The following PLEKHM2 variants were observed in gnomAD, a reference collection of about 807,000 sequenced individuals.
The protein encoded by PLEKHM2 is pleckstrin homology and RUN domain containing M2, also known as pleckstrin homology domain-containing family M member 2.
PLEKHM2 carries 77 observed loss-of-function variants against 116.3 expected under a neutral mutation model. The ratio of observed to expected loss-of-function variants is 0.66; its 90% confidence interval spans 0.55 to 0.80. The LOEUF (loss-of-function observed/expected upper bound fraction) is 0.80. Ranked by LOEUF, PLEKHM2 falls within the 30% of genes least tolerant of loss-of-function variation. PLEKHM2 has a pLI of 0.00. For synonymous variants in PLEKHM2, 562 were observed against 571.0 expected (o/e 0.98, Z 0.22); for missense variants, 1,183 against 1,354.9 (o/e 0.87, Z 1.99).
chr1:15,688,975 G>A (rs760187717), intron 1 of PLEKHM2, among the ~76,000 whole-genome samples: 9 of 151,974 alleles, frequency 5.9e-5, no homozygotes, highest in African/African-American at 1.9e-4. Context: ...CTGGCCAGGC[G>A]CGGTGGCTCA....
chr1:15,728,935 G>A lies in PLEKHM2; in HGVS notation c.1987-167G>A, dbSNP rs895566292. On this transcript the variant is annotated intron_variant, in intron 12 of 19. Transcript: ENST00000375799. The surrounding 1 kb of genome is among the most constrained non-coding windows in gnomAD (Gnocchi z 5.9). The stretch of plus-strand genomic sequence containing the variant: ...TTGCCTCTTCCCGTGCTAGACTTCT[G>A]ACCGTCCCTCCCTCACTCATGCCAG... 9.2e-5 allele frequency among the ~76,000 whole-genome samples: 14 copies of A among 152,190 alleles called. No individual in the cohort carries two copies. Among genetic ancestry groups the A allele is most frequent in the Non-Finnish European group, 1.8e-4 (12 of 68,036 alleles).
At chr1:15,698,235 G>A (rs1464402371) in intron 1 of PLEKHM2, among the ~76,000 whole-genome samples, 1 of 151,752 alleles carries the variant, frequency 6.6e-6, no homozygotes, top group Non-Finnish European at 1.5e-5. Flanking sequence ...TTAGAGACAG[G>A]GTCTTGCTCT....
At chr1:15,726,349 A>T (rs1329761275) in intron 8 of PLEKHM2, among the ~76,000 whole-genome samples, 1 of 152,066 alleles carries the variant, frequency 6.6e-6, no homozygotes, top group Non-Finnish European at 1.5e-5. Context: ...CCCTCTTAAA[A>T]CTTCACACTG....
chr1:15,727,399 G>C lies in PLEKHM2; in HGVS notation c.1327G>C (p.Gly443Arg), dbSNP rs763586821. The C allele has an allele frequency of 6.2e-7, 1 of 1,604,154 alleles. No individual in the cohort carries two copies. Among genetic ancestry groups the C allele is most frequent in the East Asian group, 2.3e-5 (1 of 44,410 alleles). The change falls in exon 9 of 20, where the codon GGG (glycine) becomes CGG (arginine). Residue 443 changes from glycine to arginine, a missense_variant. By Grantham distance (125) the Gly-to-Arg change is moderately radical. This residue lies in a region of PLEKHM2 where 372 missense variants were observed against 357.2 expected (regional missense o/e 1.04). Coordinates refer to ENST00000375799, the MANE Select transcript of PLEKHM2 (RefSeq NM_015164.4). The surrounding 1 kb of genome is among the most constrained non-coding windows in gnomAD (Gnocchi z 7.5). ...CCAGTCCTTTCGGACCGGCTCTCCCGGGGATGCCCCGGAGAGGCCGCCGCT... is the reference window on the plus strand; with the variant it reads ...CCAGTCCTTTCGGACCGGCTCTCCCCGGGATGCCCCGGAGAGGCCGCCGCT... ...PDQSFRTGSP[G>R]DAPERPPLCD...
intron 1 of PLEKHM2, among the ~76,000 whole-genome samples, chr1:15,691,046 T>C (rs1330408395): frequency 6.6e-6 from 1 of 152,186 alleles, no homozygotes; most frequent in African/African-American, 2.4e-5. Flanking sequence ...CTGAGTAGGA[T>C]AAGAGAATGA....
At chr1:15,718,730 T>C in intron 5 of PLEKHM2, 105 bp downstream of exon 5, 1 of 726,358 alleles carries the variant, frequency 1.4e-6, no homozygotes, top group Admixed American at 2.1e-5. Flanking sequence ...AGGGAGCTTG[T>C]TGAGTATGAC....
intron 7 of PLEKHM2, among the ~76,000 whole-genome samples, chr1:15,722,372 G>T (rs1338829832): frequency 6.6e-6 from 1 of 152,178 alleles, no homozygotes; most frequent in African/African-American, 2.4e-5. Context: ...TCAAACTCCT[G>T]ACCTCAGGTG....
Position 15,725,528 on chromosome 1 carries a change from G to A in PLEKHM2, c.924G>A (p.Thr308=), listed in dbSNP as rs542980745. ...CCCTGGACCCGCCGGATGCCTGCACGGAGCTCGAGGTCATCAGGTCAGCAG... is the reference window on the plus strand; with the variant it reads ...CCCTGGACCCGCCGGATGCCTGCACAGAGCTCGAGGTCATCAGGTCAGCAG... ...AQALDPPDAC[T]ELEVIRVTKK... The change falls in exon 8 of 20, where the codon ACG becomes ACA. Residue 308 remains threonine (T), a synonymous_variant. Transcript: ENST00000375799. The A allele has an allele frequency of 1.6e-4, 258 of 1,566,564 alleles. 2 individuals carry two copies. The South Asian group carries it at 2.3e-3, about 14-fold the overall frequency.
intron 1 of PLEKHM2, among the ~76,000 whole-genome samples, chr1:15,696,778 A>T (rs1207273062): frequency 6.6e-6 from 1 of 152,246 alleles, no homozygotes; most frequent in Non-Finnish European, 1.5e-5. Context: ...CAGACATCAA[A>T]CAAATTGCAG....
In PLEKHM2 at chr1:15,684,628, G is replaced by T. The variant is rs2148323765; in HGVS notation, c.60+10G>T. On this transcript the variant is annotated intron_variant, in intron 1 of 19. Coordinates refer to ENST00000375799, the MANE Select transcript of PLEKHM2 (RefSeq NM_015164.4). ...GCTGTCGGTGAAGAAGGTGAGCGCG[G>T]CCTCCCTCCCGGCCGGGGCCCCTTC... is the stretch of plus-strand genomic sequence containing the variant. 7.8e-7 allele frequency: 1 copy of T among 1,278,800 alleles called. No individual in the cohort carries two copies. Among genetic ancestry groups the T allele is most frequent in the Non-Finnish European group, 1.0e-6 (1 of 1,001,232 alleles). 79.2% of individuals were successfully genotyped at this position (1,278,800 alleles called of 1,614,324 possible). A position where few individuals can be genotyped will look rare whatever the true frequency, so the allele number is the denominator to read the frequency against.
chr1:15,732,418 CTT>C lies in PLEKHM2; in HGVS notation c.2696_2697del (p.Phe899TyrfsTer4). The C allele has an allele frequency of 6.3e-7, 1 of 1,578,974 alleles. No individual in the cohort carries two copies. The highest frequency in any genetic ancestry group is 8.6e-7 in the Non-Finnish European group (1 of 1,162,666). On this transcript the variant is annotated frameshift_variant, in exon 18 of 20. Coordinates refer to ENST00000375799, the MANE Select transcript of PLEKHM2 (RefSeq NM_015164.4). LOFTEE classifies it high-confidence loss of function. ...CCLVLTDDRL[F>X]TCHEDCQTSF... ...GCCTGGTCCTCACGGATGACCGCCT[CTT>C]TACGTGCCATGAGGATTGCCAGACC...
In PLEKHM2 at chr1:15,684,510, G is replaced by GGGA; in HGVS notation, c.-47_-46insAGG. 1 of 976,688 alleles carries GGGA rather than the reference G, an allele frequency of 1.0e-6. No homozygotes were observed. Among genetic ancestry groups the GGGA allele is most frequent in the Non-Finnish European group, 1.3e-6 (1 of 799,692 alleles). The allele number at this position is 976,688 out of a possible 1,614,324, so 60.5% of individuals were successfully genotyped here. On this transcript the variant is annotated 5_prime_UTR_variant, in exon 1 of 20. Coordinates refer to ENST00000375799, the MANE Select transcript of PLEKHM2 (RefSeq NM_015164.4). ...GCCCCCGGCGCGGGAAGCGGCGGCG[G>GGGA]GGCGGCGGCGGCGGTGGCGGTGGCG...
chr1:15,707,488 G>C (rs954824479), intron 1 of PLEKHM2, among the ~76,000 whole-genome samples: 2 of 152,198 alleles, frequency 1.3e-5, no homozygotes, highest in African/African-American at 4.8e-5. Flanking sequence ...GAGCCGATGG[G>C]AGTGGCTGTG....
chr1:15,689,140 C>T (rs1055813429), intron 1 of PLEKHM2, among the ~76,000 whole-genome samples: 5 of 150,310 alleles, frequency 3.3e-5, no homozygotes, highest in Non-Finnish European at 5.9e-5. Flanking sequence ...CCCAGCTACT[C>T]GGGAGGCTGA....
At position 15,719,511 on chromosome 1, in the gene PLEKHM2, T is replaced by A. The variant is rs1450741617; in HGVS notation, c.466-223T>A. Among the ~76,000 whole-genome samples, 1 of 152,142 alleles carries A rather than the reference T, an allele frequency of 6.6e-6. No individual in the cohort carries two copies. Among genetic ancestry groups the A allele is most frequent in the Non-Finnish European group, 1.5e-5 (1 of 68,016 alleles). ...TAGCGGGGGCATCAAAGGGTGTAGC[T>A]GAGTTCTGACAGCTCTGTCTTCCAT... On this transcript the variant is annotated intron_variant, in intron 5 of 19. Transcript: ENST00000375799. This position sits in a 1 kb window ranked among gnomAD's most constrained non-coding sequence, Gnocchi z 4.1.
intron 4 of PLEKHM2, 51 bp from the exon 5 acceptor site, chr1:15,718,487 A>T: frequency 9.1e-7 from 1 of 1,093,934 alleles, no homozygotes. Flanking sequence ...AGGTTAGGCC[A>T]GGCTGGTAAA....
chr1:15,701,916 C>T (rs999931375), intron 1 of PLEKHM2, among the ~76,000 whole-genome samples: 5 of 152,216 alleles, frequency 3.3e-5, no homozygotes, highest in Non-Finnish European at 7.3e-5. Context: ...CAAGAGGCTG[C>T]GCCTGAAGCT....
At chr1:15,730,072 G>A (rs1482962748) in intron 14 of PLEKHM2, 143 bp downstream of exon 14, 4 of 522,382 alleles carry the variant, frequency 7.7e-6, no homozygotes, top group East Asian at 3.0e-5. Context: ...GGGCGGGGCG[G>A]GGCGGGGCTT....
At chr1:15,702,217 G>A (rs561196794) in intron 1 of PLEKHM2, among the ~76,000 whole-genome samples, 99 of 152,266 alleles carry the variant, frequency 6.5e-4, no homozygotes, top group African/African-American at 2.3e-3. Context: ...TCCATGGGAC[G>A]CGTCCTCACC....
Sources: gnomAD v4.1 joint callset for allele counts (sites outside exome capture counted in the v4.1 genomes callset) on GRCh38, gnomAD v4.1.1 for gene constraint, gnomAD v4.1.1 regional missense constraint, Gnocchi (gnomAD v3.1) non-coding constraint, MANE v1.5 for transcripts, NCBI Gene and HGNC (gene_info 2026-07-23, HGNC 2026-07-21) for gene names.